Variants in ZFHX3 observed in about 807,000 individuals in gnomAD.
The protein encoded by ZFHX3 is zinc finger homeobox 3.
A neutral mutation model predicts 279.1 loss-of-function variants in ZFHX3; 42 were observed. That is an observed-to-expected ratio of 0.15 (90% confidence interval 0.12 to 0.19). The LOEUF is 0.19. Among genes scored for constraint, ZFHX3 ranks in the 10% least tolerant of loss-of-function variants. The pLI is 1.00. For synonymous variants in ZFHX3, 2,293 were observed against 1,957.8 expected (o/e 1.17, Z -4.52); for missense variants, 4,981 against 4,754.0 (o/e 1.05, Z -1.40).
At chr16:72,815,580 T>C (rs2036581972) in intron 5 of ZFHX3, among the ~76,000 whole-genome samples, 1 of 152,194 alleles carries the variant, frequency 6.6e-6, no homozygotes. Context: ...GCATACATCG[T>C]GGGCATAAGT....
At chr16:73,547,324 C>T (rs1374372848) in intron 2 of ZFHX3, among the ~76,000 whole-genome samples, 1 of 152,106 alleles carries the variant, frequency 6.6e-6, no homozygotes, top group African/African-American at 2.4e-5. Context: ...AAGAAAAAAA[C>T]CTGTACTATC....
At position 73,707,310 on chromosome 16, in the gene ZFHX3, C is replaced by A. The variant is rs564178022; in HGVS notation, c.-1607-27070G>T. On this transcript the variant is annotated intron_variant, in intron 1 of 17. Transcript: ENST00000641206. ...TAAATTTACTTAGAAAACAGGCCTTCAGAATAGACTACATAGTTCAAGTCT... is the reference window on the plus strand; with the variant it reads ...TAAATTTACTTAGAAAACAGGCCTTAAGAATAGACTACATAGTTCAAGTCT... Among the ~76,000 whole-genome samples, 4 of 152,132 alleles carry A rather than the reference C, an allele frequency of 2.6e-5. No homozygotes were observed. In the East Asian group the frequency reaches 7.7e-4, roughly 29 times the overall value.
rs560973587 is a variant in ZFHX3 at position 73,294,904 on chromosome 16, G to C, written c.-1194+23336C>G. ...ATTCTTACGGTTTTCTTTCATGGAC[G>C]GATATTAGTCTCAACATCCACAGCC... On this transcript the variant is annotated intron_variant, in intron 4 of 17. Transcript: ENST00000641206. 4.6e-5 allele frequency among the ~76,000 whole-genome samples: 7 copies of C among 151,118 alleles called. No individual in the cohort carries two copies. In the East Asian group the frequency reaches 1.4e-3, roughly 30 times the overall value.
chr16:73,887,202 A>G (rs915975575), intron 1 of ZFHX3, among the ~76,000 whole-genome samples: 4 of 152,184 alleles, frequency 2.6e-5, no homozygotes, highest in East Asian at 3.9e-4. Flanking sequence ...CCTTATTCAC[A>G]GAGATCTCTA....
rs939713949 is a variant in ZFHX3 at position 73,078,035 on chromosome 16, C to A, written c.-533+15200G>T. On this transcript the variant is annotated intron_variant, in intron 8 of 17. Coordinates refer to the ZFHX3 transcript ENST00000641206. ...GACCAGGCTGGTCTCGAACTCCTGA[C>A]CTTGGGTGGTCCACCTGCTTCGGCC... Among the ~76,000 whole-genome samples, 6 of 152,176 alleles carry A rather than the reference C, an allele frequency of 3.9e-5. 1 individual carries two copies. The highest frequency in any genetic ancestry group is 5.9e-5 in the Non-Finnish European group (4 of 68,044).
intron 3 of ZFHX3, among the ~76,000 whole-genome samples, chr16:72,919,019 T>A (rs1228875050): frequency 6.6e-6 from 1 of 151,930 alleles, no homozygotes; most frequent in Non-Finnish European, 1.5e-5. Context: ...TTCTATACGA[T>A]GTTCCTTTGC....
At chr16:72,875,337 T>C (rs748174653) in intron 4 of ZFHX3, among the ~76,000 whole-genome samples, 109 of 152,236 alleles carry the variant, frequency 7.2e-4, no homozygotes, top group Middle Eastern at 3.2e-3. Context: ...GAGACCTGGC[T>C]TGGTTGTGAG....
chr16:73,176,342 T>A (rs919201017), intron 5 of ZFHX3, among the ~76,000 whole-genome samples: 1 of 152,228 alleles, frequency 6.6e-6, no homozygotes, highest in African/African-American at 2.4e-5. Context: ...AGATCAGGTA[T>A]CTTACAGTGC....
At chr16:73,414,303 C>T (rs2017527939) in intron 3 of ZFHX3, among the ~76,000 whole-genome samples, 1 of 152,224 alleles carries the variant, frequency 6.6e-6, no homozygotes, top group Admixed American at 6.5e-5. Context: ...TTTATTGCTG[C>T]ATCACAGATT....
chr16:73,301,621 G>T (rs574150066), intron 4 of ZFHX3, among the ~76,000 whole-genome samples: 1 of 152,260 alleles, frequency 6.6e-6, no homozygotes, highest in East Asian at 1.9e-4. Context: ...AGTCCTAGAG[G>T]CCTTGCAATG....
intron 4 of ZFHX3, among the ~76,000 whole-genome samples, chr16:72,834,810 G>GA (rs769023586): frequency 1.1e-3 from 161 of 140,170 alleles, no homozygotes; most frequent in African/African-American, 2.8e-3. Flanking sequence ...GTTTAAAAAA[G>GA]AAAAAAAAAA....
In ZFHX3 at chr16:72,787,993, G is replaced by A. The variant is rs375049833; in HGVS notation, c.10283C>T (p.Pro3428Leu). ...CGGCAGGAGGGGGGACACCTCACGGGGGGTGTTTTTCTGTTCTTCTGGTTT... is the reference window on the plus strand; with the variant it reads ...CGGCAGGAGGGGGGACACCTCACGGAGGGTGTTTTTCTGTTCTTCTGGTTT... The part of the protein sequence containing the change: ...SPKPEEQKNT[P>L]REVSPLLPKL... Residue 3428 changes from proline (P) to leucine (L), a missense_variant, in exon 10 of 10, where the codon CCC becomes CTC. Transcript: ENST00000268489. The A allele has an allele frequency of 1.9e-6, 3 of 1,613,606 alleles. No homozygotes were observed. The highest frequency in any genetic ancestry group is 1.1e-5 in the South Asian group (1 of 91,050).
intron 8 of ZFHX3, among the ~76,000 whole-genome samples, chr16:73,075,830 C>A (rs1002908583): frequency 6.6e-6 from 1 of 152,020 alleles, no homozygotes; most frequent in Admixed American, 6.6e-5. Context: ...GACAGGGTTT[C>A]ACTGTTGGCC....
chr16:72,922,410 G>A (rs1407924693), intron 3 of ZFHX3, among the ~76,000 whole-genome samples: 1 of 152,182 alleles, frequency 6.6e-6, no homozygotes, highest in Non-Finnish European at 1.5e-5. Context: ...TCTATCAGCT[G>A]AAGTTCATCT....
intron 5 of ZFHX3, among the ~76,000 whole-genome samples, chr16:73,193,746 T>G (rs1341776492): frequency 6.6e-6 from 1 of 152,152 alleles, no homozygotes; most frequent in African/African-American, 2.4e-5. Context: ...ATATTCTAAC[T>G]CTGCCACTTT....
chr16:73,131,001 T>C, exon 7 of ZFHX3: 1 of 1,305,376 alleles, frequency 7.7e-7, no homozygotes, highest in Non-Finnish European at 1.0e-6. Context: ...CCTGAGCTGG[T>C]GGCGCTGGTT....
chr16:73,630,145 A>C (rs2142145892), intron 2 of ZFHX3, among the ~76,000 whole-genome samples: 1 of 152,332 alleles, frequency 6.6e-6, no homozygotes, highest in South Asian at 2.1e-4. Context: ...GTGAGACTGA[A>C]AGGTAGACAC....
At chr16:73,026,002 G>A (rs1964482615) in intron 1 of ZFHX3, among the ~76,000 whole-genome samples, 1 of 151,946 alleles carries the variant, frequency 6.6e-6, no homozygotes, top group Admixed American at 6.6e-5. Context: ...CAGATTCGAT[G>A]CTTCCCAAAA....
At chr16:72,811,452 C>T in intron 7 of ZFHX3, 125 bp downstream of exon 7, 2 of 1,054,546 alleles carry the variant, frequency 1.9e-6, no homozygotes, top group Non-Finnish European at 2.7e-6. Context: ...AGAACAAGGA[C>T]TGTTTTCTGA....
Sources: allele counts gnomAD v4.1 joint callset (sites outside exome capture counted in the v4.1 genomes callset), GRCh38; gene constraint gnomAD v4.1.1; transcripts MANE v1.5; gene names NCBI Gene and HGNC (gene_info 2026-07-23, HGNC 2026-07-21).